The following RBFOX1 variants were observed in gnomAD, a reference collection of about 807,000 sequenced individuals.
RBFOX1 encodes the protein RNA binding fox-1 homolog 1.
A neutral mutation model predicts 57.7 loss-of-function variants in RBFOX1; 8 were observed. The ratio of observed to expected loss-of-function variants is 0.14; its 90% confidence interval spans 0.08 to 0.25. The LOEUF (loss-of-function observed/expected upper bound fraction) is 0.25. RBFOX1 is among the 10% of genes least tolerant of loss of function. The pLI is 1.00. For missense variants in RBFOX1, 611 were observed against 548.5 expected (o/e 1.11, Z -1.14); for synonymous variants, 326 against 222.4 (o/e 1.47, Z -4.15).
intron 1 of RBFOX1, among the ~76,000 whole-genome samples, chr16:6,235,542 G>A (rs4786844): frequency 0.43 from 61,428 of 141,848 alleles, 12,855 homozygotes; most frequent in Middle Eastern, 0.5. Flanking sequence ...ACTGTGGTGT[G>A]TGTGTGCGTG....
chr16:6,146,245 G>T (rs2152712464), intron 1 of RBFOX1, among the ~76,000 whole-genome samples: 1 of 152,314 alleles, frequency 6.6e-6, no homozygotes, highest in South Asian at 2.1e-4. Flanking sequence ...AGCTTCTTGG[G>T]TGCTCACAGC....
intron 4 of RBFOX1, among the ~76,000 whole-genome samples, chr16:7,506,053 C>T (rs986191357): frequency 4.6e-5 from 7 of 151,694 alleles, no homozygotes; most frequent in Non-Finnish European, 7.4e-5. Context: ...GGCATGGTGA[C>T]GGGTACCTGT....
chr16:5,388,481 C>G (rs2066314494), intron 1 of RBFOX1, among the ~76,000 whole-genome samples: 1 of 152,104 alleles, frequency 6.6e-6, no homozygotes, highest in African/African-American at 2.4e-5. Context: ...AAAATGATTG[C>G]TAGTAGGTGG....
At chr16:6,914,109 A>G (rs554733819) in intron 3 of RBFOX1, among the ~76,000 whole-genome samples, 1 of 152,276 alleles carries the variant, frequency 6.6e-6, no homozygotes, top group African/African-American at 2.4e-5. Flanking sequence ...AAACATTTGG[A>G]ATGATACCTC....
At chr16:5,937,553 TG>T (rs1282982871) in intron 4 of RBFOX1, among the ~76,000 whole-genome samples, 1 of 151,596 alleles carries the variant, frequency 6.6e-6, no homozygotes, top group East Asian at 1.9e-4. Flanking sequence ...TATATATAAC[TG>T]TATGATATAT....
chr16:5,790,951 C>A (rs1254045157), intron 3 of RBFOX1, among the ~76,000 whole-genome samples: 2 of 151,644 alleles, frequency 1.3e-5, no homozygotes, highest in Non-Finnish European at 2.9e-5. Context: ...ACACTGCAAC[C>A]TCTGCTTTCT....
intron 2 of RBFOX1, among the ~76,000 whole-genome samples, chr16:5,535,338 C>G (rs1057440722): frequency 4.6e-5 from 7 of 152,122 alleles, no homozygotes; most frequent in African/African-American, 1.7e-4. Context: ...ATGGTCCATC[C>G]TGGGGCACAA....
chr16:6,443,954 A>G (rs1244372194), intron 2 of RBFOX1, among the ~76,000 whole-genome samples: 1 of 152,172 alleles, frequency 6.6e-6, no homozygotes, highest in Non-Finnish European at 1.5e-5. Flanking sequence ...TGATTTGAAC[A>G]GTGTTAGTAC....
At position 6,421,381 on chromosome 16, in the gene RBFOX1, A is replaced by G. The variant is rs115525467; in HGVS notation, c.-64+104324A>G. On this transcript the variant is annotated intron_variant, in intron 2 of 15. Coordinates refer to ENST00000550418, the MANE Select transcript of RBFOX1 (RefSeq NM_018723.4). ...TGAGAAAAGCGTATTATGTGAACGT[A>G]AAAACGTTTGCACATCTGAGGACCA... Among the ~76,000 whole-genome samples the G allele has an allele frequency of 8.7e-3, 1,326 of 152,334 alleles. 23 individuals carry two copies. Among genetic ancestry groups the G allele is most frequent in the African/African-American group, 0.031 (1,271 of 41,572 alleles).
chr16:7,227,858 G>A (rs571612255), intron 4 of RBFOX1, among the ~76,000 whole-genome samples: 2 of 152,284 alleles, frequency 1.3e-5, no homozygotes, highest in East Asian at 3.9e-4. Flanking sequence ...TGTACTGGCT[G>A]TTTTTACTCC....
intron 2 of RBFOX1, among the ~76,000 whole-genome samples, chr16:5,551,902 G>C (rs1456036257): frequency 6.6e-6 from 1 of 151,014 alleles, no homozygotes; most frequent in African/African-American, 2.4e-5. Context: ...TTGGTTTTCT[G>C]TTCCTGTGTG....
chr16:6,799,337 G>A (rs59043783), intron 3 of RBFOX1, among the ~76,000 whole-genome samples: 1 of 152,052 alleles, frequency 6.6e-6, no homozygotes, highest in African/African-American at 2.4e-5. Context: ...TATTAGGTTG[G>A]TGCAAAAGTA....
intron 2 of RBFOX1, among the ~76,000 whole-genome samples, chr16:6,618,043 G>T (rs917290938): frequency 6.6e-6 from 1 of 152,092 alleles, no homozygotes; most frequent in African/African-American, 2.4e-5. Flanking sequence ...GCAAGACTTT[G>T]CTCAAATGCA....
At chr16:6,714,623 G>A (rs185199412) in intron 3 of RBFOX1, among the ~76,000 whole-genome samples, 15 of 152,196 alleles carry the variant, frequency 9.9e-5, no homozygotes, top group African/African-American at 3.6e-4. Context: ...AAGAAATGCA[G>A]GTATTGAAGA....
chr16:5,377,954 T>A (rs1034010834), intron 1 of RBFOX1, among the ~76,000 whole-genome samples: 19 of 151,526 alleles, frequency 1.3e-4, no homozygotes, highest in African/African-American at 4.2e-4. Context: ...TTCAGGTAAT[T>A]TTCTTTTCTT....
intron 2 of RBFOX1, among the ~76,000 whole-genome samples, chr16:6,582,898 C>G (rs954740812): frequency 1.0e-4 from 15 of 150,566 alleles, no homozygotes; most frequent in African/African-American, 2.9e-4. Context: ...AGCTACAGTT[C>G]AATTATTACT....
intron 4 of RBFOX1, among the ~76,000 whole-genome samples, chr16:7,160,082 A>G (rs72765541): frequency 0.22 from 33,563 of 152,162 alleles, 4,626 homozygotes; most frequent in East Asian, 0.39. Context: ...GACTCATAAC[A>G]GTATTAGAAC....
chr16:6,903,674 G>A (rs2069040417), intron 3 of RBFOX1, among the ~76,000 whole-genome samples: 1 of 152,124 alleles, frequency 6.6e-6, no homozygotes, highest in Non-Finnish European at 1.5e-5. Flanking sequence ...TACCTAAAAA[G>A]AGATGCCTTT....
intron 6 of RBFOX1, among the ~76,000 whole-genome samples, chr16:7,583,440 T>C (rs1022492428): frequency 2.0e-5 from 3 of 152,220 alleles, no homozygotes; most frequent in Admixed American, 2.0e-4. Flanking sequence ...TATGGATTTC[T>C]AACAAATTAA....
Sources: allele counts gnomAD v4.1 joint callset (sites outside exome capture counted in the v4.1 genomes callset), GRCh38; gene constraint gnomAD v4.1.1; transcripts MANE v1.5; gene names NCBI Gene and HGNC (gene_info 2026-07-23, HGNC 2026-07-21).